HTR2C: variants seen among roughly 807,000 people sequenced by gnomAD.
HTR2C encodes 5-hydroxytryptamine receptor 2C, also known as 5-hydroxytryptamine (serotonin) receptor 2C, G protein-coupled.
In HTR2C, 5 loss-of-function variants were observed where a neutral mutation model predicts 21.0. That is an observed-to-expected ratio of 0.24 (90% CI 0.12 to 0.50). The LOEUF (loss-of-function observed/expected upper bound fraction) is 0.50, where lower values mean the gene tolerates loss of function less well. Ranked by LOEUF, HTR2C falls within the 20% of genes least tolerant of loss-of-function variation. The pLI is 0.98. For synonymous variants in HTR2C, 150 were observed against 145.3 expected, an observed-to-expected ratio of 1.03 and a Z score of -0.23; for missense variants, 271 against 371.2, an observed-to-expected ratio of 0.73 and a Z score of 2.22.
In HTR2C at chrX:114,777,903, G is replaced by A. The variant is rs782613912; in HGVS notation, c.349+46296G>A. Among the ~76,000 whole-genome samples the A allele has an allele frequency of 2.1e-3, 238 of 112,030 alleles. 3 individuals are homozygous for A. Among genetic ancestry groups the A allele is most frequent in the Non-Finnish European group, 4.0e-3 (214 of 53,220 alleles). On this transcript the variant is annotated intron_variant, in intron 4 of 5. Transcript: ENST00000276198. ...TCTGACTAATGGTAGCTAATGGAAA[G>A]CTGAAATGTTCAGTTCCAACGAAAA...
intron 2 of HTR2C, among the ~76,000 whole-genome samples, chrX:114,721,567 G>A (rs1933216785): frequency 9.6e-6 from 1 of 104,409 alleles, no homozygotes; most frequent in Admixed American, 1.1e-4. Flanking sequence ...ATTGCTTTTG[G>A]TGTTTTGGAC....
chrX:114,811,015 A>C lies in HTR2C; in HGVS notation c.350-36988A>C, dbSNP rs782627467. On this transcript the variant is annotated intron_variant, in intron 4 of 5. Coordinates refer to ENST00000276198, the MANE Select transcript of HTR2C (RefSeq NM_000868.4). ...AAATGTACACCAATAAAATGGCCAA[A>C]AATGATATAGTAAGGCTAATTATGT... is the stretch of plus-strand genomic sequence containing the variant. Among the ~76,000 whole-genome samples, 38 of 111,684 alleles carry C rather than the reference A, an allele frequency of 3.4e-4. 1 individual carries two copies. Among genetic ancestry groups the C allele is most frequent in the Admixed American group, 3.3e-3 (34 of 10,448 alleles).
At chrX:114,816,752 G>A (rs1174392692) in intron 4 of HTR2C, among the ~76,000 whole-genome samples, 3 of 110,720 alleles carry the variant, frequency 2.7e-5, no homozygotes, top group Non-Finnish European at 5.7e-5. Flanking sequence ...GTCCTACTAT[G>A]AGTGATAAAT....
chrX:114,740,994 G>A (rs910419957), intron 4 of HTR2C, among the ~76,000 whole-genome samples: 4 of 111,195 alleles, frequency 3.6e-5, no homozygotes, highest in Admixed American at 2.9e-4. Flanking sequence ...CTACATCATT[G>A]GACTAATATT....
chrX:114,878,541 C>G (rs781869877), intron 5 of HTR2C, among the ~76,000 whole-genome samples: 1 of 110,498 alleles, frequency 9.0e-6, no homozygotes, highest in East Asian at 2.8e-4. Context: ...TTATTTAATT[C>G]CAGATAATTT....
At chrX:114,686,375 A>T (rs1373128288) in intron 2 of HTR2C, among the ~76,000 whole-genome samples, 1 of 110,887 alleles carries the variant, frequency 9.0e-6, no homozygotes, top group Non-Finnish European at 1.9e-5. Context: ...TCCCCCTATC[A>T]GATAGTACTA....
intron 2 of HTR2C, among the ~76,000 whole-genome samples, chrX:114,716,808 TC>T (rs1158754966): frequency 9.0e-6 from 1 of 111,061 alleles, no homozygotes; most frequent in African/African-American, 3.3e-5. Flanking sequence ...TTAAATGAGC[TC>T]CCCCAAAATT....
chrX:114,645,780 A>G (rs1398615744), intron 2 of HTR2C, among the ~76,000 whole-genome samples: 7 of 112,079 alleles, frequency 6.2e-5, no homozygotes, highest in Non-Finnish European at 1.3e-4. Flanking sequence ...GAAAAAAGAT[A>G]AGATATGGAC....
Position 114,909,204 on chromosome X carries a change from A to G in HTR2C, c.*1789A>G, listed in dbSNP as rs1556488078. 8.9e-6 allele frequency: 1 copy of G among 112,596 alleles called. No individual in the cohort carries two copies. Among genetic ancestry groups the G allele is most frequent in the Admixed American group, 9.5e-5 (1 of 10,529 alleles). The allele number at this position is 112,596 out of a possible 1,213,427, so 9.3% of individuals were successfully genotyped here. A position where few individuals can be genotyped will look rare whatever the true frequency, so the allele number is the denominator to read the frequency against. On this transcript the variant is annotated 3_prime_UTR_variant, in exon 6 of 6. Coordinates refer to ENST00000276198, the MANE Select transcript of HTR2C (RefSeq NM_000868.4). ...CAAATATAACATGAAAGTCAAGTCT[A>G]CCTGCCTTGCCTGTTAGGTCTGTTG...
intron 4 of HTR2C, among the ~76,000 whole-genome samples, chrX:114,772,936 A>G (rs1299626043): frequency 9.0e-6 from 1 of 111,405 alleles, no homozygotes; most frequent in Non-Finnish European, 1.9e-5. Flanking sequence ...CCTAGCTTCA[A>G]TTTCCAGCTT....
intron 4 of HTR2C, among the ~76,000 whole-genome samples, chrX:114,762,485 A>G (rs1207315214): frequency 9.0e-6 from 1 of 111,540 alleles, no homozygotes; most frequent in Non-Finnish European, 1.9e-5. Context: ...CAATCTTCTC[A>G]TATATATTAA....
intron 2 of HTR2C, among the ~76,000 whole-genome samples, chrX:114,644,362 A>AATAAATATATATAT (rs1411395120): frequency 1.6e-4 from 6 of 38,252 alleles, no homozygotes; most frequent in Non-Finnish European, 2.2e-4. Context: ...TAAATAAATA[A>AATAAATATATATAT]ATATATATAT....
intron 1 of HTR2C, among the ~76,000 whole-genome samples, chrX:114,610,650 C>T (rs1176570173): frequency 9.0e-6 from 1 of 111,254 alleles, no homozygotes; most frequent in Non-Finnish European, 1.9e-5. Context: ...TATGGTCAGG[C>T]ACATCTATGT....
intron 4 of HTR2C, among the ~76,000 whole-genome samples, chrX:114,805,906 A>G (rs1257293950): frequency 3.1e-5 from 3 of 96,379 alleles, no homozygotes; most frequent in Non-Finnish European, 6.2e-5. Context: ...TATACATCAT[A>G]TATATACCAT....
At chrX:114,763,940 T>C (rs1435620971) in intron 4 of HTR2C, among the ~76,000 whole-genome samples, 1 of 111,713 alleles carries the variant, frequency 9.0e-6, no homozygotes, top group Non-Finnish European at 1.9e-5. Flanking sequence ...CTTTACCGGG[T>C]AAGTTTCCAT....
intron 4 of HTR2C, among the ~76,000 whole-genome samples, chrX:114,800,917 G>A (rs782711563): frequency 9.0e-6 from 1 of 111,028 alleles, no homozygotes; most frequent in African/African-American, 3.3e-5. Flanking sequence ...GTCTCTCTGC[G>A]CATGCGTGTC....
intron 2 of HTR2C, among the ~76,000 whole-genome samples, chrX:114,663,725 C>A (rs1386328728): frequency 9.0e-6 from 1 of 111,334 alleles, no homozygotes; most frequent in Non-Finnish European, 1.9e-5. Flanking sequence ...TACCAGGTTG[C>A]CCTTTCTCCA....
chrX:114,843,511 A>G (rs2070850888), intron 4 of HTR2C, among the ~76,000 whole-genome samples: 1 of 111,415 alleles, frequency 9.0e-6, no homozygotes, highest in South Asian at 3.7e-4. Flanking sequence ...TTACCAATAT[A>G]TGCACAATGG....
At chrX:114,772,417 G>T (rs73569279) in intron 4 of HTR2C, among the ~76,000 whole-genome samples, 3,108 of 83,916 alleles carry the variant, frequency 0.037, 121 homozygotes, top group African/African-American at 0.13. Flanking sequence ...TTCCAACAAG[G>T]TTCACATTTT....
Sources: allele counts gnomAD v4.1 joint callset (sites outside exome capture counted in the v4.1 genomes callset), GRCh38; gene constraint gnomAD v4.1.1; transcripts MANE v1.5; gene names NCBI Gene and HGNC (gene_info 2026-07-23, HGNC 2026-07-21).